Variants in FERRY3 observed in about 807,000 individuals in gnomAD.
FERRY3 encodes FERRY endosomal RAB5 effector complex subunit 3, also known as protein C12orf4.
chr12:4,522,959 A>G, the FERRY3 span, among the ~76,000 whole-genome samples: 940 of 152,304 alleles, frequency 6.2e-3, 11 homozygotes, highest in African/African-American at 0.022. Context: ...AGAAAAATCA[A>G]ACTACAATGA....
the FERRY3 span, among the ~76,000 whole-genome samples, chr12:4,518,503 TAAA>T: frequency 1.3e-5 from 2 of 152,100 alleles, no homozygotes; most frequent in Admixed American, 1.3e-4. Flanking sequence ...AATTTGGAAT[TAAA>T]AATAACATAG....
At chr12:4,517,075 A>C in the FERRY3 span, 1 of 1,558,418 alleles carries the variant, frequency 6.4e-7, no homozygotes, top group Non-Finnish European at 8.7e-7. Flanking sequence ...TGATTCTTTC[A>C]ATTTACTCCT....
chr12:4,520,203 A>G, the FERRY3 span, among the ~76,000 whole-genome samples: 1 of 152,336 alleles, frequency 6.6e-6, no homozygotes, highest in South Asian at 2.1e-4. Flanking sequence ...TGAACTTGCA[A>G]ACTCTTTTCC....
the FERRY3 span, among the ~76,000 whole-genome samples, chr12:4,523,648 T>C: frequency 6.6e-6 from 1 of 152,238 alleles, no homozygotes; most frequent in African/African-American, 2.4e-5. Context: ...GATGAGTTCA[T>C]GTCCTTTGTA....
chr12:4,518,208 T>C, the FERRY3 span: 4 of 1,614,166 alleles, frequency 2.5e-6, no homozygotes, highest in Non-Finnish European at 3.4e-6. Context: ...AAGTCCAGCA[T>C]ATCTGCTCTC....
At chr12:4,488,878 T>TGATATTTGTCTCAG in the FERRY3 span, 3 of 152,108 alleles carry the variant, frequency 2.0e-5, no homozygotes, top group South Asian at 2.1e-4. This position sits in a 1 kb window ranked among gnomAD's most constrained non-coding sequence, Gnocchi z 4.9. Flanking sequence ...GACAAATATA[T>TGATATTTGTCTCAG]GATATGTAGC....
the FERRY3 span, among the ~76,000 whole-genome samples, chr12:4,504,827 G>A: frequency 6.6e-6 from 1 of 152,174 alleles, no homozygotes. Flanking sequence ...TTTAGGCCGG[G>A]CATGGTGGCT....
chr12:4,491,341 TA>T, the FERRY3 span: 2 of 971,540 alleles, frequency 2.1e-6, no homozygotes, highest in East Asian at 2.6e-5. Context: ...TGAACAGATT[TA>T]GGTAACTGTT....
At chr12:4,513,500 A>G in the FERRY3 span, among the ~76,000 whole-genome samples, 1 of 149,898 alleles carries the variant, frequency 6.7e-6, no homozygotes, top group South Asian at 2.1e-4. Flanking sequence ...ACTATACTAC[A>G]AGGCTACAGT....
chr12:4,520,136 C>A, the FERRY3 span, among the ~76,000 whole-genome samples: 100 of 152,296 alleles, frequency 6.6e-4, no homozygotes, highest in East Asian at 0.018. Context: ...TTAACAGATT[C>A]TTGAAGGCCA....
the FERRY3 span, among the ~76,000 whole-genome samples, chr12:4,533,550 C>T: frequency 6.6e-6 from 1 of 152,142 alleles, no homozygotes; most frequent in Non-Finnish European, 1.5e-5. Flanking sequence ...GGCATTCTCT[C>T]ATAGTTTAAT....
chr12:4,502,945 G>A, the FERRY3 span, among the ~76,000 whole-genome samples: 1 of 152,146 alleles, frequency 6.6e-6, no homozygotes, highest in African/African-American at 2.4e-5. The surrounding 1 kb of genome is among the most constrained non-coding windows in gnomAD (Gnocchi z 4.2). Context: ...TAATTTTCTA[G>A]GAAGGCAACA....
chr12:4,524,694 G>A, the FERRY3 span, among the ~76,000 whole-genome samples: 2 of 152,074 alleles, frequency 1.3e-5, no homozygotes, highest in East Asian at 3.8e-4. Context: ...TACATAGCCA[G>A]GAAATAACAT....
chr12:4,522,663 G>C, the FERRY3 span, among the ~76,000 whole-genome samples: 4 of 152,228 alleles, frequency 2.6e-5, no homozygotes, highest in African/African-American at 7.2e-5. Flanking sequence ...CCCATTCCTA[G>C]GGGAGAGGGA....
chr12:4,531,051 T>C, the FERRY3 span, among the ~76,000 whole-genome samples: 5 of 151,974 alleles, frequency 3.3e-5, no homozygotes, highest in African/African-American at 1.2e-4. Context: ...TTAAGAGTAA[T>C]AATTTACCTT....
chr12:4,495,905 G>C, the FERRY3 span, among the ~76,000 whole-genome samples: 2 of 152,144 alleles, frequency 1.3e-5, no homozygotes, highest in African/African-American at 4.8e-5. Context: ...ACCAATTTGT[G>C]ACAGGACCCT....
the FERRY3 span, among the ~76,000 whole-genome samples, chr12:4,531,682 G>A: frequency 5.9e-5 from 9 of 152,092 alleles, no homozygotes; most frequent in South Asian, 6.2e-4. Flanking sequence ...CAGGCATAAC[G>A]CCTGACTTCT....
At chr12:4,498,224 C>T in the FERRY3 span, among the ~76,000 whole-genome samples, 2 of 152,142 alleles carry the variant, frequency 1.3e-5, no homozygotes, top group Admixed American at 1.3e-4. Context: ...GAGGCTGTTT[C>T]CCACCTACAT....
At chr12:4,510,483 G>A in the FERRY3 span, among the ~76,000 whole-genome samples, 2 of 135,122 alleles carry the variant, frequency 1.5e-5, no homozygotes, top group African/African-American at 2.9e-5. Context: ...AAATGTTAAG[G>A]GCAGCCAGAG....
Sources: gnomAD v4.1 joint callset for allele counts (sites outside exome capture counted in the v4.1 genomes callset) on GRCh38, gnomAD v4.1.1 for gene constraint, Gnocchi (gnomAD v3.1) non-coding constraint, MANE v1.5 for transcripts, NCBI Gene and HGNC (gene_info 2026-07-23, HGNC 2026-07-21) for gene names.